Variants in PLEKHG7 observed in about 807,000 individuals in gnomAD.
PLEKHG7 encodes pleckstrin homology and RhoGEF domain containing G7, also known as pleckstrin homology domain-containing family G member 7.
PLEKHG7 carries 77 observed loss-of-function variants against 85.2 expected under a neutral mutation model. The ratio of observed to expected loss-of-function variants is 0.90; its 90% CI spans 0.75 to 1.09. The LOEUF is 1.09. PLEKHG7 is among the 50% of genes least tolerant of loss of function. The pLI, the probability that PLEKHG7 is intolerant of heterozygous loss-of-function variation, is 0.00. For missense variants in PLEKHG7, 777 were observed against 804.3 expected (o/e 0.97, Z 0.41); for synonymous variants, 301 against 302.4 (o/e 1.00, Z 0.05).
chr12:92,722,219 C>G (rs1871669210), intron 3 of PLEKHG7, among the ~76,000 whole-genome samples: 1 of 152,068 alleles, frequency 6.6e-6, no homozygotes, highest in South Asian at 2.1e-4. Flanking sequence ...GCAACCCCAG[C>G]TGACACAGAC....
chr12:92,755,644 T>C (rs955600020), intron 11 of PLEKHG7, among the ~76,000 whole-genome samples, 181 bp from the exon 12 acceptor site: 3 of 152,236 alleles, frequency 2.0e-5, no homozygotes, highest in African/African-American at 7.2e-5. Context: ...AAGAGACTGA[T>C]TCCAAATTAG....
intron 13 of PLEKHG7, among the ~76,000 whole-genome samples, chr12:92,760,756 A>G (rs1468173951): frequency 6.8e-6 from 1 of 146,304 alleles, no homozygotes; most frequent in African/African-American, 2.8e-5. Flanking sequence ...AAGAAAAGCT[A>G]TTTGCCTTAA....
At position 92,724,700 on chromosome 12, in the gene PLEKHG7, G is replaced by C. The variant is rs1871747117; in HGVS notation, c.531-4293G>C. On this transcript the variant is annotated intron_variant, in intron 3 of 16. Coordinates refer to ENST00000344636, the MANE Select transcript of PLEKHG7 (RefSeq NM_001377329.1). The stretch of plus-strand genomic sequence containing the variant: ...ACAGCAAGAAGGCAAAGGACAAGGA[G>C]TAAACAGAAGAAGCTAGCTAAGTCT... Among the ~76,000 whole-genome samples the C allele has an allele frequency of 2.0e-5, 3 of 152,212 alleles. No homozygotes were observed. The South Asian group carries it at 6.2e-4, about 32-fold the overall frequency.
chr12:92,721,469 C>A, intron 3 of PLEKHG7: 1 of 1,231,068 alleles, frequency 8.1e-7, no homozygotes, highest in Middle Eastern at 3.1e-4. Flanking sequence ...ACTATTCCAG[C>A]AGCCATGGGA....
chr12:92,733,663 A>G (rs1255040433), intron 5 of PLEKHG7, among the ~76,000 whole-genome samples: 1 of 152,104 alleles, frequency 6.6e-6, no homozygotes, highest in Non-Finnish European at 1.5e-5. Context: ...GTCTCAGGAG[A>G]AGGGGCATCT....
intron 9 of PLEKHG7, among the ~76,000 whole-genome samples, chr12:92,742,958 C>G (rs1182741858): frequency 6.6e-6 from 1 of 152,088 alleles, no homozygotes; most frequent in Non-Finnish European, 1.5e-5. Flanking sequence ...TTATTAGGCT[C>G]TTTACTAAGG....
chr12:92,754,890 C>T (rs1435766350), intron 11 of PLEKHG7, among the ~76,000 whole-genome samples: 1 of 152,018 alleles, frequency 6.6e-6, no homozygotes, highest in Non-Finnish European at 1.5e-5. Context: ...TTCAGCTATA[C>T]ATAATTTTTT....
At chr12:92,707,589 C>T in intron 2 of PLEKHG7, 61 bp from the exon 3 acceptor site, 1 of 1,587,874 alleles carries the variant, frequency 6.3e-7, no homozygotes, top group Non-Finnish European at 8.6e-7. Context: ...AACATGTTTG[C>T]TTTGGAGTTT....
chr12:92,703,445 T>C (rs1303281210), intron 1 of PLEKHG7, among the ~76,000 whole-genome samples: 1 of 152,246 alleles, frequency 6.6e-6, no homozygotes, highest in Admixed American at 6.5e-5. Flanking sequence ...AACTTTTGAT[T>C]CTACCAGATC....
At position 92,732,272 on chromosome 12, in the gene PLEKHG7, T is replaced by C; in HGVS notation, c.698T>C (p.Val233Ala). 3 of 1,230,888 alleles carry C rather than the reference T, an allele frequency of 2.4e-6. No homozygotes were observed. The highest frequency in any genetic ancestry group is 3.0e-6 in the Non-Finnish European group (3 of 987,146). 76.2% of individuals were successfully genotyped at this position (1,230,888 alleles called of 1,614,324 possible). Residue 233 changes from valine (V) to alanine (A), a missense_variant and splice_region_variant, in exon 5 of 17, where the codon GTG becomes GCG. Physicochemically the swap from Val to Ala is moderately conservative, Grantham distance 64 (BLOSUM62 0). Around this residue, in one of 3 missense-constraint regions of PLEKHG7, gnomAD observed 520 missense variants for 544.0 expected, o/e 0.96. Transcript: ENST00000344636. ...KPRWPFSKRG[V>A]GKDKHKHISD... is the part of the protein sequence containing the mutation. ...AGATGGCCTTTCTCCAAAAGAGGAG[T>C]GGTAAGTGTTGCAAATTGCCATTTT...
At chr12:92,749,926 A>ATTTATTTTATTTTTTAT (rs1872640621) in intron 10 of PLEKHG7, among the ~76,000 whole-genome samples, 1 of 105,270 alleles carries the variant, frequency 9.5e-6, no homozygotes, top group Non-Finnish European at 2.0e-5. Flanking sequence ...ATTTTATTTT[A>ATTTATTTTATTTTTTAT]TTTATTTTAT....
Position 92,706,693 on chromosome 12 carries a change from GGC to G in PLEKHG7, c.63_64del (p.Pro22LeufsTer16). On this transcript the variant is annotated frameshift_variant, in exon 2 of 17. Coordinates refer to ENST00000344636, the MANE Select transcript of PLEKHG7 (RefSeq NM_001377329.1). LOFTEE classifies it high-confidence loss of function. Reference sequence around the variant, plus strand: ...CCCCAAGACTGTGGAGCCTCTCCTCGGCCCTCGCTGAGGAGCCTGCCAAAGAA... The same window carrying G: ...CCCCAAGACTGTGGAGCCTCTCCTCGCCTCGCTGAGGAGCCTGCCAAAGAA... 1 of 1,614,032 alleles carries G rather than the reference GGC, an allele frequency of 6.2e-7. No individual in the cohort carries two copies. The highest frequency in any genetic ancestry group is 1.1e-5 in the South Asian group (1 of 91,070).
In PLEKHG7 at chr12:92,756,387, T is replaced by TTGGGTTTTTTAAAGGAA. The variant is rs754505752; in HGVS notation, c.1632_1633insTGGGTTTTTTAAAGGAA (p.Ala545TrpfsTer4). On this transcript the variant is annotated stop_gained and frameshift_variant, in exon 13 of 17. Coordinates refer to ENST00000344636, the MANE Select transcript of PLEKHG7 (RefSeq NM_001377329.1). LOFTEE classifies it high-confidence loss of function. ...TTCTCTATGAAGGAAAATTAACTCT[T>TTGGGTTTTTTAAAGGAA]GCAGGTAAATAACTGCTTCCTTTAA... The TTGGGTTTTTTAAAGGAA allele has an allele frequency of 1.9e-6, 3 of 1,607,384 alleles. No individual in the cohort carries two copies. The highest frequency in any genetic ancestry group is 2.7e-5 in the African/African-American group (2 of 74,766).
chr12:92,706,957 C>A lies in PLEKHG7; in HGVS notation c.326C>A (p.Thr109Asn), dbSNP rs777364560. The A allele has an allele frequency of 6.2e-7, 1 of 1,614,190 alleles. No individual in the cohort carries two copies. The highest frequency in any genetic ancestry group is 1.7e-5 in the Admixed American group (1 of 60,034). ...LSPLRLHSRL[T>N]SEPERALNAA... ...CCCTTGAGACTCCACTCAAGATTGA[C>A]CTCTGAACCTGAAAGGGCCCTGAAT... Residue 109 changes from threonine to asparagine, a missense_variant, in exon 2 of 17, where the codon ACC (threonine) becomes AAC (asparagine). Thr to Asn is a moderately conservative substitution (Grantham distance 65). Around this residue, in one of 3 missense-constraint regions of PLEKHG7, gnomAD observed 252 missense variants for 241.9 expected, o/e 1.04. Coordinates refer to ENST00000344636, the MANE Select transcript of PLEKHG7 (RefSeq NM_001377329.1).
intron 3 of PLEKHG7, among the ~76,000 whole-genome samples, chr12:92,726,096 T>A (rs1340130979): frequency 6.6e-6 from 1 of 152,154 alleles, no homozygotes; most frequent in Non-Finnish European, 1.5e-5. Context: ...AAAGAGGGCA[T>A]GGGATCCGAG....
At chr12:92,709,044 T>G (rs182346190) in intron 3 of PLEKHG7, among the ~76,000 whole-genome samples, 1 of 152,338 alleles carries the variant, frequency 6.6e-6, no homozygotes, top group East Asian at 1.9e-4. Flanking sequence ...ATTATTTTAA[T>G]AAGATTTTGA....
chr12:92,732,250 T>A lies in PLEKHG7; in HGVS notation c.676T>A (p.Trp226Arg). The A allele has an allele frequency of 8.1e-7, 1 of 1,231,578 alleles. No homozygotes were observed. Among genetic ancestry groups the A allele is most frequent in the Non-Finnish European group, 1.0e-6 (1 of 987,472 alleles). 76.3% of individuals were successfully genotyped at this position (1,231,578 alleles called of 1,614,324 possible). ...LLNSESKKPRWPFSKRGVGKD... is the reference protein window; with the variant it reads ...LLNSESKKPRRPFSKRGVGKD... ...TCACCCAGAATCCAAAAAGCCAAGATGGCCTTTCTCCAAAAGAGGAGTGGT... is the reference window on the plus strand; with the variant it reads ...TCACCCAGAATCCAAAAAGCCAAGAAGGCCTTTCTCCAAAAGAGGAGTGGT... Residue 226 changes from tryptophan to arginine, a missense_variant, in exon 5 of 17, where the codon TGG (tryptophan) becomes AGG (arginine). By Grantham distance (101) the Trp-to-Arg change is moderately radical. Around this residue, in one of 3 missense-constraint regions of PLEKHG7, gnomAD observed 520 missense variants for 544.0 expected, o/e 0.96. Transcript: ENST00000344636.
At chr12:92,755,970 G>A (rs745510480) in intron 12 of PLEKHG7, 30 bp downstream of exon 12, 3 of 1,465,174 alleles carry the variant, frequency 2.0e-6, no homozygotes, top group South Asian at 2.4e-5. Flanking sequence ...TAGGACTTAT[G>A]TCCATTTCTG....
chr12:92,724,031 T>A (rs189982947), intron 3 of PLEKHG7, among the ~76,000 whole-genome samples: 2 of 152,308 alleles, frequency 1.3e-5, no homozygotes, highest in South Asian at 2.1e-4. Flanking sequence ...CCCGCCCTCT[T>A]TAAATGCTAA....
Sources: allele counts gnomAD v4.1 joint callset (sites outside exome capture counted in the v4.1 genomes callset), GRCh38; gene constraint gnomAD v4.1.1; regional missense constraint gnomAD v4.1.1; transcripts MANE v1.5; gene names NCBI Gene and HGNC (gene_info 2026-07-23, HGNC 2026-07-21).